The following PFKM variants were observed in gnomAD, a reference collection of about 807,000 sequenced individuals.
PFKM encodes the protein phosphofructokinase, muscle.
PFKM carries 58 observed loss-of-function variants against 95.5 expected under a neutral mutation model. The observed-to-expected ratio is 0.61, with a 90% CI of 0.49 to 0.76. The LOEUF is 0.76. Ranked by LOEUF, PFKM falls within the 30% of genes least tolerant of loss-of-function variation. PFKM has a pLI of 0.00. For missense variants in PFKM, 678 were observed against 1,005.4 expected (o/e 0.67, Z 4.40); for synonymous variants, 336 against 357.2 (o/e 0.94, Z 0.67).
chr12:48,144,213 C>T, intron 20 of PFKM, 56 bp downstream of exon 20: 1 of 1,177,476 alleles, frequency 8.5e-7, no homozygotes, highest in South Asian at 1.2e-5. Flanking sequence ...TGCCAACAGC[C>T]ATACCTGCCA....
intron 10 of PFKM, among the ~76,000 whole-genome samples, chr12:48,136,861 C>A (rs1950149072): frequency 6.6e-6 from 1 of 151,552 alleles, no homozygotes; most frequent in Admixed American, 6.6e-5. Context: ...TCAAGGGATT[C>A]TCCGGCCTCA....
At chr12:48,113,836 G>A (rs1346442910) in intron 3 of PFKM, among the ~76,000 whole-genome samples, 1 of 152,172 alleles carries the variant, frequency 6.6e-6, no homozygotes, top group Non-Finnish European at 1.5e-5. Context: ...AATGTCAGGA[G>A]CTGACTGGGT....
chr12:48,135,445 C>G (rs564623830), intron 10 of PFKM, 62 bp downstream of exon 10: 1 of 1,182,338 alleles, frequency 8.5e-7, no homozygotes, highest in East Asian at 2.4e-5. Flanking sequence ...GTCCTGCCCC[C>G]TCAGGGCTGC....
intron 10 of PFKM, chr12:48,137,508 A>C: frequency 1.7e-6 from 1 of 602,474 alleles, no homozygotes; most frequent in Non-Finnish European, 3.0e-6. Context: ...AGTAAGTAGA[A>C]TCTTTGGGGT....
chr12:48,136,692 CTTTTT>C (rs1166389532), intron 10 of PFKM, among the ~76,000 whole-genome samples: 1 of 63,022 alleles, frequency 1.6e-5, no homozygotes, highest in Non-Finnish European at 2.9e-5. Flanking sequence ...GGGGTCGTCA[CTTTTT>C]TTTTTTTTTT....
intron 1 of PFKM, among the ~76,000 whole-genome samples, chr12:48,106,700 C>CAGCA (rs1946660062): frequency 9.8e-6 from 1 of 101,716 alleles, no homozygotes; most frequent in Middle Eastern, 4.3e-3. Context: ...ATTGACCATT[C>CAGCA]AGCAAGCAAA....
intron 19 of PFKM, 110 bp downstream of exon 19, chr12:48,143,924 AG>A (rs1950799085): frequency 9.1e-7 from 1 of 1,096,854 alleles, no homozygotes; most frequent in Non-Finnish European, 1.4e-6. Context: ...ATATAAAGGG[AG>A]GGGGCCAGCC....
chr12:48,107,557 A>C (rs1946798126), intron 2 of PFKM: 2 of 749,582 alleles, frequency 2.7e-6, no homozygotes, highest in Admixed American at 2.0e-5. Context: ...TACGGATTTT[A>C]GGGGTCAACT....
chr12:48,116,543 A>G (rs1947699275), upstream of PFKM, among the ~76,000 whole-genome samples: 2 of 152,238 alleles, frequency 1.3e-5, no homozygotes, highest in South Asian at 2.1e-4. Flanking sequence ...TGGTGGCGCA[A>G]TCTCGGCTCA....
chr12:48,145,653 A>T lies in PFKM; in HGVS notation c.2288A>T (p.Asp763Val), dbSNP rs751082601. The change falls in exon 23 of 23, where the codon GAC becomes GTC. Residue 763 changes from aspartate (D) to valine (V), a missense_variant. By Grantham distance (152) the Asp-to-Val change is radical. Transcript: ENST00000359794. This position sits in a 1 kb window ranked among gnomAD's most constrained non-coding sequence, Gnocchi z 4.3. ...AKYEIDLDTS[D>V]HAHLEHITRK... Reference sequence around the variant, plus strand: ...TACGAGATTGACTTGGACACTTCAGACCATGCCCACCTGGAGCACATCACC... The same window carrying T: ...TACGAGATTGACTTGGACACTTCAGTCCATGCCCACCTGGAGCACATCACC... 1.2e-6 allele frequency: 2 copies of T among 1,614,138 alleles called. No individual in the cohort carries two copies. Among genetic ancestry groups the T allele is most frequent in the Admixed American group, 1.7e-5 (1 of 60,008 alleles).
At position 48,129,060 on chromosome 12, in the gene PFKM, C is replaced by T. The variant is rs185633002; in HGVS notation, c.86-1303C>T. On this transcript the variant is annotated intron_variant, in intron 2 of 22. Transcript: ENST00000359794. The stretch of plus-strand genomic sequence containing the variant: ...ACCTGCTGTGTGTTTTATGTTGGGA[C>T]GGGTTGGCTTTTTCACAGTGCTCCT... 4.3e-4 allele frequency among the ~76,000 whole-genome samples: 66 copies of T among 152,092 alleles called. No homozygotes were observed. The South Asian group carries it at 5.6e-3, about 13-fold the overall frequency.
At chr12:48,115,003 T>G (rs1947544349), upstream of PFKM, among the ~76,000 whole-genome samples, 1 of 151,946 alleles carries the variant, frequency 6.6e-6, no homozygotes, top group Admixed American at 6.6e-5. Flanking sequence ...GGAGGCAAGT[T>G]TAAAGAGAAG....
intron 3 of PFKM, among the ~76,000 whole-genome samples, chr12:48,113,828 T>C (rs1947429929): frequency 6.6e-6 from 1 of 152,210 alleles, no homozygotes; most frequent in Non-Finnish European, 1.5e-5. Flanking sequence ...ATTTTTCTAA[T>C]GTCAGGAGCT....
At chr12:48,114,516 T>C (rs55886138), upstream of PFKM, among the ~76,000 whole-genome samples, 9,142 of 151,616 alleles carry the variant, frequency 0.06, 360 homozygotes, top group Non-Finnish European at 0.093. Flanking sequence ...TGAAGAAGAG[T>C]TGGAGCCTGA....
At chr12:48,126,731 GA>G (rs1948880353) in intron 2 of PFKM, among the ~76,000 whole-genome samples, 1 of 152,158 alleles carries the variant, frequency 6.6e-6, no homozygotes, top group Non-Finnish European at 1.5e-5. Context: ...CTTATTTCCT[GA>G]AATTACAAAT....
At chr12:48,122,929 A>T (rs1948433985) in intron 2 of PFKM, 70 bp downstream of exon 2, 2 of 1,440,522 alleles carry the variant, frequency 1.4e-6, no homozygotes, top group Admixed American at 3.4e-5. Context: ...TAGCCTATAC[A>T]ATAGAATTAT....
At chr12:48,142,460 G>A in intron 17 of PFKM, 1 of 439,774 alleles carries the variant, frequency 2.3e-6, no homozygotes, top group South Asian at 2.1e-5. Flanking sequence ...GTGACAAAGT[G>A]TTCAGTTTCC....
chr12:48,139,177 G>A, intron 11 of PFKM, 108 bp from the exon 12 acceptor site: 1 of 856,536 alleles, frequency 1.2e-6, no homozygotes, highest in South Asian at 1.4e-5. Flanking sequence ...GAATGGACAG[G>A]ATCTAGTCAC....
chr12:48,124,158 A>T (rs1478866843), intron 2 of PFKM, among the ~76,000 whole-genome samples: 1 of 152,112 alleles, frequency 6.6e-6, no homozygotes, highest in Admixed American at 6.5e-5. Flanking sequence ...ACTAATATTT[A>T]TTATAATTGT....
Sources: gnomAD v4.1 joint callset for allele counts (sites outside exome capture counted in the v4.1 genomes callset) on GRCh38, gnomAD v4.1.1 for gene constraint, Gnocchi (gnomAD v3.1) non-coding constraint, MANE v1.5 for transcripts, NCBI Gene and HGNC (gene_info 2026-07-23, HGNC 2026-07-21) for gene names.